The following PDE10A variants were observed in gnomAD, a reference collection of about 807,000 sequenced individuals.
The protein encoded by PDE10A is phosphodiesterase 10A.
A neutral mutation model predicts 97.7 loss-of-function variants in PDE10A; 39 were observed. That is an observed-to-expected ratio of 0.40 (90% CI 0.31 to 0.52). The LOEUF (loss-of-function observed/expected upper bound fraction) is 0.52, where lower values mean the gene tolerates loss of function less well. Among genes scored for constraint, PDE10A ranks in the 20% least tolerant of loss-of-function variants. The pLI is 0.56. For synonymous variants in PDE10A, 371 were observed against 376.8 expected, an observed-to-expected ratio of 0.98 and a Z score of 0.18; for missense variants, 731 against 1,047.8, an observed-to-expected ratio of 0.70 and a Z score of 4.17.
intron 1 of PDE10A, among the ~76,000 whole-genome samples, chr6:165,969,484 C>T (rs1225382888): frequency 6.6e-6 from 1 of 152,110 alleles, no homozygotes; most frequent in African/African-American, 2.4e-5. Context: ...CAAGGAGAAA[C>T]TAGAAGTAGC....
chr6:165,333,278 C>G, intron 21 of PDE10A, 151 bp from the exon 22 acceptor site: 1 of 622,718 alleles, frequency 1.6e-6, no homozygotes, highest in Non-Finnish European at 2.9e-6. Context: ...CGTGGCCAGG[C>G]AGGTTCCTGT....
At chr6:165,961,433 C>A (rs779547961) in intron 1 of PDE10A, among the ~76,000 whole-genome samples, 11 of 152,196 alleles carry the variant, frequency 7.2e-5, no homozygotes, top group Admixed American at 5.9e-4. Context: ...CCCGCCTTAG[C>A]GGGTTTCATT....
intron 1 of PDE10A, among the ~76,000 whole-genome samples, chr6:165,678,586 T>G (rs368462607): frequency 6.6e-6 from 1 of 152,256 alleles, no homozygotes; most frequent in East Asian, 1.9e-4. Flanking sequence ...GCCCGCCGCT[T>G]GGAAACAGTT....
chr6:165,709,150 C>T (rs550591094), intron 1 of PDE10A, among the ~76,000 whole-genome samples: 39 of 142,166 alleles, frequency 2.7e-4, no homozygotes, highest in African/African-American at 9.8e-4. Flanking sequence ...TCTGTCCCCA[C>T]TCTCCACCTC....
At chr6:165,458,524 TA>T (rs1365460963) in intron 3 of PDE10A, among the ~76,000 whole-genome samples, 3 of 152,156 alleles carry the variant, frequency 2.0e-5, no homozygotes, top group Non-Finnish European at 4.4e-5. Context: ...TGATGTTTAT[TA>T]CGCCACCAGT....
At chr6:165,505,968 A>C (rs1485702163) in intron 2 of PDE10A, among the ~76,000 whole-genome samples, 1 of 150,720 alleles carries the variant, frequency 6.6e-6, no homozygotes, top group African/African-American at 2.4e-5. Context: ...TATATAGTGA[A>C]AAAAATAATA....
At chr6:165,496,571 A>G (rs2128291847) in intron 2 of PDE10A, among the ~76,000 whole-genome samples, 1 of 152,356 alleles carries the variant, frequency 6.6e-6, no homozygotes, top group South Asian at 2.1e-4. Context: ...TCAACTTAAC[A>G]TTAACTCTCT....
At chr6:165,530,269 ATGTGTGTG>A (rs71026692) in intron 2 of PDE10A, among the ~76,000 whole-genome samples, 35 of 148,252 alleles carry the variant, frequency 2.4e-4, no homozygotes, top group South Asian at 6.6e-4. Context: ...CTCTTTATAT[ATGTGTGTG>A]TGTGTGTGTG....
At chr6:165,857,473 G>A (rs143444605) in intron 1 of PDE10A, among the ~76,000 whole-genome samples, 215 of 152,302 alleles carry the variant, frequency 1.4e-3, no homozygotes, top group African/African-American at 4.8e-3. Flanking sequence ...TCTCCTGAGC[G>A]CATGCCAAGT....
At chr6:165,922,755 C>T (rs1459617741) in intron 1 of PDE10A, among the ~76,000 whole-genome samples, 2 of 152,218 alleles carry the variant, frequency 1.3e-5, no homozygotes, top group Admixed American at 6.5e-5. Context: ...GTGGGTAGTG[C>T]TGTCCATTTG....
chr6:165,693,168 A>G (rs1791349345), intron 1 of PDE10A, among the ~76,000 whole-genome samples: 1 of 152,218 alleles, frequency 6.6e-6, no homozygotes, highest in Non-Finnish European at 1.5e-5. Context: ...TGCAATGTTT[A>G]TATCAGATAC....
chr6:165,839,919 A>ATCTCC (rs1434557793), intron 1 of PDE10A, among the ~76,000 whole-genome samples: 36 of 24,206 alleles, frequency 1.5e-3, no homozygotes, highest in East Asian at 4.6e-3. Context: ...CTCCATCCCC[A>ATCTCC]ACCTCATCTC....
chr6:165,672,615 C>G (rs968432628), intron 1 of PDE10A, among the ~76,000 whole-genome samples: 22 of 152,194 alleles, frequency 1.4e-4, no homozygotes, highest in African/African-American at 5.3e-4. Context: ...TTCCCCCATA[C>G]TGTTCTCATG....
intron 1 of PDE10A, among the ~76,000 whole-genome samples, chr6:165,613,347 A>G (rs1389890027): frequency 6.6e-6 from 1 of 152,138 alleles, no homozygotes; most frequent in African/African-American, 2.4e-5. Context: ...AGGTTATAAA[A>G]CACTATTATT....
In PDE10A at chr6:165,809,027, A is replaced by T. The variant is rs566996649; in HGVS notation, c.-615+178502T>A. On this transcript the variant is annotated intron_variant, in intron 1 of 19. Coordinates refer to the PDE10A transcript ENST00000366882. ...GGAGGTAAATAACCCCTGTCTATAG[A>T]TGGTCCTGAGTTTGAACACATACAG... Among the ~76,000 whole-genome samples the T allele has an allele frequency of 5.3e-5, 8 of 152,352 alleles. No homozygotes were observed. The South Asian group carries it at 1.7e-3, about 32-fold the overall frequency.
chr6:165,523,620 C>T (rs1210587282), intron 2 of PDE10A, among the ~76,000 whole-genome samples: 1 of 151,878 alleles, frequency 6.6e-6, no homozygotes, highest in African/African-American at 2.4e-5. Context: ...AAAATTAACC[C>T]AAGAGAGATT....
chr6:165,456,157 T>C (rs1313108238), intron 3 of PDE10A, among the ~76,000 whole-genome samples: 1 of 152,202 alleles, frequency 6.6e-6, no homozygotes, highest in African/African-American at 2.4e-5. Flanking sequence ...CCACTAGTTC[T>C]GTATTTTCTT....
chr6:165,416,198 C>T lies in PDE10A; in HGVS notation c.1880G>A (p.Arg627His), dbSNP rs762992799. 5.0e-6 allele frequency: 8 copies of T among 1,603,558 alleles called. No homozygotes were observed. In the Admixed American group the frequency reaches 5.0e-5, roughly 10 times the overall value. Reference sequence around the variant, plus strand: ...ATCAGCTATTTCTTACCTGTTAAAGCGTGGGTCTGCATAGGCATCTGGAAT... The same window carrying T: ...ATCAGCTATTTCTTACCTGTTAAAGTGTGGGTCTGCATAGGCATCTGGAAT... ...LNIPDAYADP[R>H]FNREVDLYTG... Residue 627 changes from arginine to histidine, a missense_variant, in exon 12 of 22, where the codon CGC (arginine) becomes CAC (histidine). Transcript: ENST00000539869.
rs1286375657 is a variant in PDE10A, at chr6:165,331,038, G to C, written c.*1987C>G. 1 of 152,162 alleles carries C rather than the reference G, an allele frequency of 6.6e-6. No homozygotes were observed. The highest frequency in any genetic ancestry group is 2.4e-5 in the African/African-American group (1 of 41,456). The allele number at this position is 152,162 out of a possible 1,614,324, so 9.4% of individuals were successfully genotyped here. A position where few individuals can be genotyped will look rare whatever the true frequency, so the allele number is the denominator to read the frequency against. ...AAAAATCATTGTTCTTAAAGAATGG[G>C]AGAATGGGGCTGATTTATATTTTTT... On this transcript the variant is annotated 3_prime_UTR_variant, in exon 22 of 22. Coordinates refer to ENST00000539869, the MANE Select transcript of PDE10A (RefSeq NM_001385079.1).
Sources: allele counts gnomAD v4.1 joint callset (sites outside exome capture counted in the v4.1 genomes callset), GRCh38; gene constraint gnomAD v4.1.1; transcripts MANE v1.5; gene names NCBI Gene and HGNC (gene_info 2026-07-23, HGNC 2026-07-21).